C4orf51: variants seen among roughly 807,000 people sequenced by gnomAD.
C4orf51 encodes chromosome 4 open reading frame 51, also known as uncharacterized protein C4orf51.
Under a neutral mutation model 25.2 loss-of-function variants are expected in C4orf51, and 25 were observed. The ratio of observed to expected loss-of-function variants is 0.99; its 90% CI spans 0.72 to 1.39. The LOEUF is 1.39. C4orf51 is among the 40% of genes most tolerant of loss of function. The pLI is 0.00. For synonymous variants in C4orf51, 100 were observed against 84.5 expected (o/e 1.18, Z -1.01); for missense variants, 252 against 239.6 (o/e 1.05, Z -0.34).
At chr4:145,692,657 G>A (rs1447102682) in intron 1 of C4orf51, among the ~76,000 whole-genome samples, 1 of 152,128 alleles carries the variant, frequency 6.6e-6, no homozygotes, top group East Asian at 1.9e-4. Flanking sequence ...ATATTTTAGG[G>A]CTCGTTAGGC....
chr4:145,719,137 T>C (rs1413377342), intron 2 of C4orf51, among the ~76,000 whole-genome samples: 1 of 152,194 alleles, frequency 6.6e-6, no homozygotes, highest in African/African-American at 2.4e-5. Flanking sequence ...GCACAGGGCA[T>C]CACACAGAGC....
the C4orf51 span, among the ~76,000 whole-genome samples, chr4:145,786,400 A>G: frequency 6.6e-6 from 1 of 152,220 alleles, no homozygotes; most frequent in South Asian, 2.1e-4. Context: ...ATATGACCTC[A>G]ATGCATAAAT....
At chr4:145,684,338 C>A (rs1254026874) in intron 1 of C4orf51, among the ~76,000 whole-genome samples, 2 of 152,058 alleles carry the variant, frequency 1.3e-5, no homozygotes, top group African/African-American at 4.8e-5. Flanking sequence ...AAAAATTAGC[C>A]AGGCTTGGTG....
In C4orf51 at chr4:145,680,301, C is replaced by T. The variant is rs764771767; in HGVS notation, c.98C>T (p.Ser33Phe). The change falls in exon 1 of 6, where the codon TCT (serine) becomes TTT (phenylalanine). Residue 33 changes from serine to phenylalanine, a missense_variant. Transcript: ENST00000438731. ...CTGATCAGACGCAAGGCTGGAGCAT[C>T]TTGGCAGGATGAAACACGATGGTCA... ...FDLIRRKAGA[S>F]WQDETRWSDS... 6.2e-7 allele frequency: 1 copy of T among 1,613,978 alleles called. No individual in the cohort carries two copies. The highest frequency in any genetic ancestry group is 1.1e-5 in the South Asian group (1 of 91,080).
rs756108112 is a variant in C4orf51 at position 145,680,443 on chromosome 4, T to C, written c.233+7T>C. 92 of 1,607,712 alleles carry C rather than the reference T, an allele frequency of 5.7e-5. No homozygotes were observed. Among genetic ancestry groups the C allele is most frequent in the Non-Finnish European group, 7.7e-5 (91 of 1,174,928 alleles). ...ATGAGCCTGAGTGTAAACAGTAAGA[T>C]TTCTTTGTAATTTGCACCTGGATAT... On this transcript the variant is annotated splice_region_variant and intron_variant, in intron 1 of 5. Coordinates refer to ENST00000438731, the MANE Select transcript of C4orf51 (RefSeq NM_001080531.3).
intron 1 of C4orf51, among the ~76,000 whole-genome samples, chr4:145,685,446 G>A (rs1450321923): frequency 1.3e-5 from 2 of 152,222 alleles, no homozygotes; most frequent in South Asian, 2.1e-4. Flanking sequence ...TGTCTCAAGA[G>A]CTGAGCTCCC....
chr4:145,791,675 T>C, the C4orf51 span, among the ~76,000 whole-genome samples: 1 of 152,226 alleles, frequency 6.6e-6, no homozygotes, highest in African/African-American at 2.4e-5. Context: ...GATTTAGGTA[T>C]AGCTGAAAGA....
the C4orf51 span, among the ~76,000 whole-genome samples, chr4:145,781,333 T>TCCA: frequency 6.6e-6 from 1 of 151,918 alleles, no homozygotes; most frequent in Non-Finnish European, 1.5e-5. Flanking sequence ...AATACAGGCT[T>TCCA]CCACCTGTAT....
chr4:145,697,075 C>CAAAT (rs1730114940), intron 2 of C4orf51, among the ~76,000 whole-genome samples: 1 of 149,144 alleles, frequency 6.7e-6, no homozygotes, highest in Non-Finnish European at 1.5e-5. Flanking sequence ...AACAAACAAA[C>CAAAT]AAAAACAGAC....
chr4:145,693,244 A>G (rs1320959860), intron 1 of C4orf51, among the ~76,000 whole-genome samples: 3 of 150,186 alleles, frequency 2.0e-5, no homozygotes, highest in Non-Finnish European at 4.4e-5. Flanking sequence ...CTTAACGAGC[A>G]TGCTGCCTTC....
the C4orf51 span, among the ~76,000 whole-genome samples, chr4:145,781,698 C>T: frequency 3.9e-5 from 6 of 152,180 alleles, no homozygotes; most frequent in African/African-American, 9.7e-5. Flanking sequence ...AAACAGCTGT[C>T]CTTGAGTCCA....
intron 5 of C4orf51, among the ~76,000 whole-genome samples, chr4:145,732,165 G>A (rs1229788499): frequency 6.6e-6 from 1 of 152,200 alleles, no homozygotes; most frequent in Admixed American, 6.5e-5. Context: ...GGAACTAAAG[G>A]AATTAGGGAA....
Position 145,765,534 on chromosome 4 carries a change from ACCT to A in C4orf51, n.167-5447_167-5445del, listed in dbSNP as rs1157700684. The A allele has an allele frequency of 6.2e-7, 1 of 1,604,736 alleles. No individual in the cohort carries two copies. The highest frequency in any genetic ancestry group is 1.7e-5 in the Admixed American group (1 of 59,460). On this transcript the variant is annotated intron_variant and non_coding_transcript_variant, in intron 1 of 1. Coordinates refer to the C4orf51 transcript ENST00000510096. This position sits in a 1 kb window ranked among gnomAD's most constrained non-coding sequence, Gnocchi z 4.7. ...CGGAGGGTTGAGCAGGCTCACACCCACCTCCTCCTTACCTTTCTCTGGCTTTTC... is the reference window on the plus strand; with the variant it reads ...CGGAGGGTTGAGCAGGCTCACACCCACCTCCTTACCTTTCTCTGGCTTTTC...
intron 2 of C4orf51, among the ~76,000 whole-genome samples, chr4:145,714,663 T>C (rs762050270): frequency 6.6e-6 from 1 of 152,232 alleles, no homozygotes; most frequent in Admixed American, 6.5e-5. Flanking sequence ...TTTTGGGGGA[T>C]TGGTAACTGG....
intron 2 of C4orf51, among the ~76,000 whole-genome samples, chr4:145,704,796 A>G (rs1253414233): frequency 6.6e-6 from 1 of 152,236 alleles, no homozygotes; most frequent in Non-Finnish European, 1.5e-5. Context: ...CATAAGCAGA[A>G]GGAGAGACCA....
downstream of C4orf51, among the ~76,000 whole-genome samples, chr4:145,772,252 A>T (rs2038830798): frequency 6.6e-6 from 1 of 152,224 alleles, no homozygotes; most frequent in African/African-American, 2.4e-5. Flanking sequence ...GGCCTGCTCC[A>T]GGTGCTGAGA....
chr4:145,756,908 G>T (rs1733988134), downstream of C4orf51, among the ~76,000 whole-genome samples: 1 of 152,132 alleles, frequency 6.6e-6, no homozygotes, highest in Non-Finnish European at 1.5e-5. Context: ...GAGTGAAGTG[G>T]TTCACAATTG....
the C4orf51 span, among the ~76,000 whole-genome samples, chr4:145,790,592 G>A: frequency 6.6e-6 from 1 of 152,084 alleles, no homozygotes; most frequent in Non-Finnish European, 1.5e-5. Flanking sequence ...TAAGCCTCTA[G>A]GGATTCTGCA....
chr4:145,727,049 A>C, intron 3 of C4orf51, 80 bp downstream of exon 3: 1 of 1,134,004 alleles, frequency 8.8e-7, no homozygotes, highest in South Asian at 1.4e-5. Context: ...CATTAAAAAA[A>C]CAAAAGGGGT....
Sources: gnomAD v4.1 joint callset for allele counts (sites outside exome capture counted in the v4.1 genomes callset) on GRCh38, gnomAD v4.1.1 for gene constraint, Gnocchi (gnomAD v3.1) non-coding constraint, MANE v1.5 for transcripts, NCBI Gene and HGNC (gene_info 2026-07-23, HGNC 2026-07-21) for gene names.